The following HS6ST3 variants were observed in gnomAD, a reference collection of about 807,000 sequenced individuals.
HS6ST3 encodes the protein heparan sulfate 6-O-sulfotransferase 3, also known as heparan-sulfate 6-O-sulfotransferase 3.
HS6ST3 carries 12 observed loss-of-function variants against 36.7 expected under a neutral mutation model. The ratio of observed to expected loss-of-function variants is 0.33; its 90% CI spans 0.21 to 0.53. HS6ST3 has a LOEUF of 0.53. HS6ST3 is among the 20% of genes least tolerant of loss of function. The pLI is 0.95. For missense variants in HS6ST3, 584 were observed against 640.9 expected (o/e 0.91, Z 0.96); for synonymous variants, 240 against 257.5 (o/e 0.93, Z 0.65).
chr13:96,197,136 G>A (rs2054318308), intron 1 of HS6ST3, among the ~76,000 whole-genome samples: 1 of 152,210 alleles, frequency 6.6e-6, no homozygotes, highest in East Asian at 1.9e-4. Flanking sequence ...AAGTACATCT[G>A]TATTAGTCCA....
intron 1 of HS6ST3, among the ~76,000 whole-genome samples, chr13:96,632,583 G>A (rs1350404437): frequency 2.0e-5 from 3 of 152,100 alleles, no homozygotes; most frequent in Non-Finnish European, 4.4e-5. Context: ...TTGGATACAC[G>A]GAGAATTTAA....
At chr13:96,115,862 A>T (rs555462724) in intron 1 of HS6ST3, among the ~76,000 whole-genome samples, 1 of 152,322 alleles carries the variant, frequency 6.6e-6, no homozygotes, top group Non-Finnish European at 1.5e-5. Context: ...ATTCCCACCA[A>T]CAGTGTAAAA....
chr13:96,317,682 G>A (rs960638355), intron 1 of HS6ST3, among the ~76,000 whole-genome samples: 2 of 150,020 alleles, frequency 1.3e-5, no homozygotes, highest in African/African-American at 2.5e-5. Context: ...TTAGCCAACA[G>A]TATATAAACG....
At chr13:96,576,231 G>A (rs141211380) in intron 1 of HS6ST3, among the ~76,000 whole-genome samples, 13 of 152,302 alleles carry the variant, frequency 8.5e-5, no homozygotes, top group Non-Finnish European at 1.3e-4. Flanking sequence ...ATGTGCAAGG[G>A]AAATGTGATG....
chr13:96,126,304 C>T (rs1406567993), intron 1 of HS6ST3, among the ~76,000 whole-genome samples: 2 of 152,164 alleles, frequency 1.3e-5, no homozygotes, highest in African/African-American at 4.8e-5. Context: ...TGGTCTCCTC[C>T]AGCACCCCAC....
chr13:96,444,175 C>A (rs971078447), intron 1 of HS6ST3, among the ~76,000 whole-genome samples: 1 of 152,022 alleles, frequency 6.6e-6, no homozygotes, highest in Non-Finnish European at 1.5e-5. Context: ...TCTTTTAAAT[C>A]ATGGGCATGA....
At chr13:96,725,792 G>A (rs189795012) in intron 1 of HS6ST3, among the ~76,000 whole-genome samples, 1 of 151,912 alleles carries the variant, frequency 6.6e-6, no homozygotes, top group East Asian at 1.9e-4. Flanking sequence ...ACACCTCATT[G>A]TCTTGTCTTC....
At chr13:96,747,636 G>A (rs1468045815) in intron 1 of HS6ST3, among the ~76,000 whole-genome samples, 1 of 151,984 alleles carries the variant, frequency 6.6e-6, no homozygotes, top group Non-Finnish European at 1.5e-5. Flanking sequence ...GTGTGTGGCT[G>A]TTGATTTTTC....
chr13:96,208,458 G>T (rs74403145), intron 1 of HS6ST3, among the ~76,000 whole-genome samples: 1,752 of 152,202 alleles, frequency 0.012, 36 homozygotes, highest in African/African-American at 0.041. Context: ...TAGATGGGGG[G>T]TTGCCAGAAA....
chr13:96,325,796 A>G (rs940666904), intron 1 of HS6ST3, among the ~76,000 whole-genome samples: 3 of 152,214 alleles, frequency 2.0e-5, no homozygotes, highest in Non-Finnish European at 2.9e-5. Context: ...ATTGGTTGAG[A>G]AAGTTTTTAA....
chr13:96,420,582 G>A (rs567293462), intron 1 of HS6ST3, among the ~76,000 whole-genome samples: 8 of 152,242 alleles, frequency 5.3e-5, no homozygotes, highest in African/African-American at 1.4e-4. Flanking sequence ...AAACATAGCC[G>A]ATAATTGATG....
At chr13:96,387,498 A>G (rs1260783994) in intron 1 of HS6ST3, among the ~76,000 whole-genome samples, 2 of 152,144 alleles carry the variant, frequency 1.3e-5, no homozygotes, top group African/African-American at 2.4e-5. Flanking sequence ...TGGTTAAAAC[A>G]TTTTCTTTTC....
chr13:96,477,993 G>C (rs2055872292), intron 1 of HS6ST3, among the ~76,000 whole-genome samples: 1 of 151,964 alleles, frequency 6.6e-6, no homozygotes, highest in African/African-American at 2.4e-5. Flanking sequence ...TTTTTGCCTG[G>C]GTATCCATAA....
chr13:96,354,149 T>C (rs2055198159), intron 1 of HS6ST3, among the ~76,000 whole-genome samples: 2 of 152,186 alleles, frequency 1.3e-5, no homozygotes, highest in Non-Finnish European at 2.9e-5. Flanking sequence ...TTAAGTAACT[T>C]ATGGTATAAC....
chr13:96,812,292 G>C lies in HS6ST3; in HGVS notation c.708-20198G>C, dbSNP rs369119490. 1.4e-3 allele frequency among the ~76,000 whole-genome samples: 207 copies of C among 152,264 alleles called. 4 individuals are homozygous for C. Among genetic ancestry groups the C allele is most frequent in the African/African-American group, 4.7e-3 (197 of 41,546 alleles). ...ACAACTCCACCACCAAAAGCTTCTT[G>C]CGGTCCAATATTTCCCCATATGCCT... On this transcript the variant is annotated intron_variant, in intron 1 of 1. Coordinates refer to ENST00000376705, the MANE Select transcript of HS6ST3 (RefSeq NM_153456.4).
intron 1 of HS6ST3, among the ~76,000 whole-genome samples, chr13:96,398,563 G>A (rs1404788118): frequency 2.0e-5 from 3 of 152,182 alleles, no homozygotes; most frequent in South Asian, 2.1e-4. Context: ...ACAGGAGTGA[G>A]CCACCAAGCC....
chr13:96,584,331 ATGGGG>A (rs1197107240), intron 1 of HS6ST3, among the ~76,000 whole-genome samples: 2 of 152,028 alleles, frequency 1.3e-5, no homozygotes, highest in Non-Finnish European at 2.9e-5. Context: ...TTTAGTAGAG[ATGGGG>A]TTGCACCATG....
intron 1 of HS6ST3, among the ~76,000 whole-genome samples, chr13:96,729,476 A>G (rs575036081): frequency 6.6e-6 from 1 of 152,150 alleles, no homozygotes; most frequent in South Asian, 2.1e-4. Context: ...ATTTATTTTG[A>G]GATGTAGTCT....
intron 1 of HS6ST3, among the ~76,000 whole-genome samples, chr13:96,581,470 C>A (rs1247422609): frequency 6.6e-6 from 1 of 152,034 alleles, no homozygotes; most frequent in Non-Finnish European, 1.5e-5. Context: ...GATCTGCCTG[C>A]CTCGGCCTCC....
Sources: gnomAD v4.1 joint callset for allele counts (sites outside exome capture counted in the v4.1 genomes callset) on GRCh38, gnomAD v4.1.1 for gene constraint, MANE v1.5 for transcripts, NCBI Gene and HGNC (gene_info 2026-07-23, HGNC 2026-07-21) for gene names.